The following NF1 variants were observed in gnomAD, a reference collection of about 807,000 sequenced individuals.
The protein encoded by NF1 is neurofibromin.
In NF1, 122 loss-of-function variants were observed where a neutral mutation model predicts 325.7. That is an observed-to-expected ratio of 0.37 (90% CI 0.32 to 0.44). The LOEUF is 0.44. Ranked by LOEUF, NF1 falls within the 20% of genes least tolerant of loss-of-function variation. The pLI is 1.00. For synonymous variants in NF1, 1,091 were observed against 1,186.0 expected (o/e 0.92, Z 1.65); for missense variants, 2,140 against 3,415.4 (o/e 0.63, Z 9.31).
In NF1 at chr17:31,335,295, T is replaced by TAA. The variant is rs376267811; in HGVS notation, c.6006+265_6006+266dup. ...ATAATTATATATATATATATATATA[T>TAA]AATTATGCCTTGAAGGAGACTGTGC... On this transcript the variant is annotated intron_variant, in intron 40 of 57. Transcript: ENST00000358273. Among the ~76,000 whole-genome samples, 4 of 128,916 alleles carry TAA rather than the reference T, an allele frequency of 3.1e-5. 1 individual carries two copies. Among genetic ancestry groups the TAA allele is most frequent in the African/African-American group, 1.3e-4 (4 of 31,058 alleles). The allele number at this position is 128,916 out of a possible 152,430, so 84.6% of individuals were successfully genotyped here. A position where few individuals can be genotyped will look rare whatever the true frequency, so the allele number is the denominator to read the frequency against.
intron 36 of NF1, chr17:31,317,457 A>C (rs9915421): frequency 3.3e-5 from 5 of 151,686 alleles, no homozygotes; most frequent in Admixed American, 6.6e-5. Flanking sequence ...AAATTAATCA[A>C]CCTTTGGTAC....
rs1555607130 is a variant in NF1, at chr17:31,170,004, TTAAATG to T, written c.586+10_586+15del. On this transcript the variant is annotated splice_region_variant and intron_variant, in intron 5 of 57. Coordinates refer to ENST00000358273, the MANE Select transcript of NF1 (RefSeq NM_001042492.3). ...TTAAAACGACTCCTGAAGGGTAAGT[TTAAATG>T]TATAATATATCTGAAAAAAATCACT... 1.9e-6 allele frequency: 3 copies of T among 1,567,646 alleles called. No individual in the cohort carries two copies. In the South Asian group the frequency reaches 3.3e-5, roughly 17 times the overall value.
Position 31,182,578 on chromosome 17 carries a change from G to A in NF1, c.801G>A (p.Trp267Ter), listed in dbSNP as rs1064794273. Residue 267 changes from tryptophan (W) to a stop codon, truncating the protein, a stop_gained, in exon 8 of 58, where the codon TGG becomes TGA. Transcript: ENST00000358273. LOFTEE classifies it high-confidence loss of function. ...GCACCAAACGTAAAGCAGCAGTTTG[G>A]CCACTACAAATCATTCTCCTTATCT... ...AESTKRKAAV[W>*]PLQIILLILC... is the part of the protein sequence containing the mutation. 6.2e-7 allele frequency: 1 copy of A among 1,614,010 alleles called. No homozygotes were observed. Among genetic ancestry groups the A allele is most frequent in the South Asian group, 1.1e-5 (1 of 91,058 alleles).
At chr17:31,367,905 C>T (rs1471258290) in intron 57 of NF1, among the ~76,000 whole-genome samples, 1 of 151,556 alleles carries the variant, frequency 6.6e-6, no homozygotes, top group Non-Finnish European at 1.5e-5. Context: ...GCTGAGATCG[C>T]ACCACCGCAC....
intron 4 of NF1, among the ~76,000 whole-genome samples, chr17:31,169,403 A>C (rs2065896724): frequency 3.3e-5 from 5 of 152,128 alleles, no homozygotes; most frequent in Admixed American, 3.3e-4. Context: ...TTCTTTTATC[A>C]TATCCCTTGT....
intron 36 of NF1, among the ~76,000 whole-genome samples, chr17:31,322,040 G>C (rs1284119527): frequency 2.0e-5 from 3 of 151,370 alleles, no homozygotes; most frequent in African/African-American, 7.3e-5. Flanking sequence ...AAAATATCTA[G>C]TAAACTTAGA....
intron 36 of NF1, among the ~76,000 whole-genome samples, chr17:31,303,368 G>C (rs752784607): frequency 5.9e-5 from 9 of 152,140 alleles, no homozygotes; most frequent in Non-Finnish European, 1.0e-4. Flanking sequence ...CCAATTGTCA[G>C]ATAATGGATA....
chr17:31,217,939 CAAAA>C (rs56382346), intron 13 of NF1, among the ~76,000 whole-genome samples: 7 of 116,768 alleles, frequency 6.0e-5, no homozygotes, highest in Admixed American at 8.9e-5. Context: ...CACTCCGTTT[CAAAA>C]AAAAAAAAAA....
At chr17:31,163,100 C>G (rs918556790) in intron 3 of NF1, 86 bp from the exon 4 acceptor site, 10 of 1,303,384 alleles carry the variant, frequency 7.7e-6, no homozygotes, top group Non-Finnish European at 7.6e-6. Flanking sequence ...TATTTTTGTT[C>G]TGTGTGTGTG....
chr17:31,132,305 G>A (rs1377216728), intron 1 of NF1, among the ~76,000 whole-genome samples: 2 of 152,130 alleles, frequency 1.3e-5, no homozygotes, highest in Non-Finnish European at 2.9e-5. Context: ...ACTTTGCGAG[G>A]CTGAGGTAGA....
intron 1 of NF1, among the ~76,000 whole-genome samples, chr17:31,143,852 C>G (rs1055912204): frequency 4.0e-5 from 6 of 151,790 alleles, no homozygotes; most frequent in African/African-American, 1.4e-4. Context: ...GACAGAGACT[C>G]GCTCTGTTGC....
intron 29 of NF1, among the ~76,000 whole-genome samples, chr17:31,237,081 ATTTTTTACTTT>A (rs2067216016): frequency 1.3e-5 from 2 of 151,952 alleles, no homozygotes; most frequent in Non-Finnish European, 1.5e-5. Flanking sequence ...TTAGGACTTT[ATTTTTTACTTT>A]TAAGTTCAGA....
chr17:31,206,551 A>G (rs138847220), intron 12 of NF1, among the ~76,000 whole-genome samples, 180 bp downstream of exon 12: 1 of 151,988 alleles, frequency 6.6e-6, no homozygotes, highest in Non-Finnish European at 1.5e-5. Context: ...TTTGTTTTCC[A>G]CTGTTTCCAT....
intron 36 of NF1, among the ~76,000 whole-genome samples, chr17:31,309,779 T>C (rs2068819693): frequency 6.6e-6 from 1 of 152,234 alleles, no homozygotes; most frequent in Non-Finnish European, 1.5e-5. Context: ...GATAGGCTCC[T>C]ATCCTCTACT....
rs1397862679 is a variant in NF1 at position 31,358,618 on chromosome 17, G to A, written c.8109G>A (p.Leu2703=). 6.2e-7 allele frequency: 1 copy of A among 1,613,960 alleles called. No homozygotes were observed. The highest frequency in any genetic ancestry group is 1.1e-5 in the South Asian group (1 of 91,076). The change falls in exon 55 of 58, where the codon CTG becomes CTA. Residue 2703 remains leucine, a synonymous_variant. Transcript: ENST00000358273. ...ESPPQYQTSY[L]QSFGFNGLWR... ...CACCACAATACCAAACATCTTACCT[G>A]CAAAGTAAATAAATGTATCTGGAGA...
At chr17:31,318,443 CGGGCCA>C (rs1567892634) in intron 36 of NF1, 1 of 1,613,958 alleles carries the variant, frequency 6.2e-7, no homozygotes, top group Non-Finnish European at 8.5e-7. Context: ...TCTGATTCAG[CGGGCCA>C]TAGACCGCTT....
At chr17:31,201,587 C>G in intron 11 of NF1, 102 bp downstream of exon 11, 1 of 862,520 alleles carries the variant, frequency 1.2e-6, no homozygotes, top group South Asian at 1.5e-5. Flanking sequence ...CAAAAAGGTT[C>G]TGAATTTAGA....
At chr17:31,202,837 C>G (rs1406249518) in intron 11 of NF1, among the ~76,000 whole-genome samples, 1 of 152,024 alleles carries the variant, frequency 6.6e-6, no homozygotes, top group East Asian at 1.9e-4. Context: ...GCGTAATGAG[C>G]CAGGGCATTG....
intron 38 of NF1, among the ~76,000 whole-genome samples, chr17:31,329,663 T>G (rs1460860697): frequency 6.6e-6 from 1 of 152,226 alleles, no homozygotes; most frequent in African/African-American, 2.4e-5. Flanking sequence ...TATTATAGTT[T>G]TTTTCCATAT....
Sources: allele counts gnomAD v4.1 joint callset (sites outside exome capture counted in the v4.1 genomes callset), GRCh38; gene constraint gnomAD v4.1.1; transcripts MANE v1.5; gene names NCBI Gene and HGNC (gene_info 2026-07-23, HGNC 2026-07-21).